The following DEFB135 variants were observed in gnomAD, a reference collection of about 807,000 sequenced individuals.
DEFB135 encodes the protein defensin beta 135, also known as beta-defensin 135.
In DEFB135, 14 loss-of-function variants were observed where a neutral mutation model predicts 8.9. The ratio of observed to expected loss-of-function variants is 1.58; its 90% CI spans 1.04 to 2.47. DEFB135 has a LOEUF of 2.47. Among genes scored for constraint, DEFB135 ranks in the 30% most tolerant of loss-of-function variants. The pLI is 0.00. For synonymous variants in DEFB135, 51 were observed against 34.5 expected (o/e 1.48, Z -1.67); for missense variants, 135 against 94.2 (o/e 1.43, Z -1.79).
Position 11,982,312 on chromosome 8 carries a change from C to A in DEFB135, c.-9C>A, listed in dbSNP as rs777477530. The A allele has an allele frequency of 3.1e-6, 5 of 1,614,056 alleles. No homozygotes were observed. Among genetic ancestry groups the A allele is most frequent in the Admixed American group, 1.7e-5 (1 of 60,024 alleles). ...CCGATGAGTCACAGCTGCTTCTTTG[C>A]TGATTGGTATGGCCACAAGGAGCGT... On this transcript the variant is annotated 5_prime_UTR_variant, in exon 1 of 2. The change creates a new upstream start codon in the 5' untranslated region. Transcript: ENST00000382208.
intron 1 of DEFB135, among the ~76,000 whole-genome samples, chr8:11,984,083 G>C (rs1209654842): frequency 6.6e-6 from 1 of 152,086 alleles, no homozygotes; most frequent in African/African-American, 2.4e-5. Context: ...CCTGGTATGG[G>C]ACCTCTGCAG....
chr8:11,983,722 C>T (rs1257332907), intron 1 of DEFB135, among the ~76,000 whole-genome samples: 2 of 152,204 alleles, frequency 1.3e-5, no homozygotes, highest in Admixed American at 6.5e-5. Context: ...GCCACCCTTA[C>T]CCTCTTAAAC....
rs199948670 is a variant in DEFB135 at position 11,982,336 on chromosome 8, G to A, written c.16G>A (p.Val6Ile). The stretch of plus-strand genomic sequence containing the variant: ...GCTGATTGGTATGGCCACAAGGAGC[G>A]TCCTCTTGGCCCTCGTGGTCCTTAA... MATRS[V>I]LLALVVLNLL... Residue 6 changes from valine to isoleucine, a missense_variant, in exon 1 of 2, where the codon GTC becomes ATC. Physicochemically the swap from Val to Ile is conservative, Grantham distance 29. Coordinates refer to ENST00000382208, the MANE Select transcript of DEFB135 (RefSeq NM_001033017.3). 70 of 1,613,988 alleles carry A rather than the reference G, an allele frequency of 4.3e-5. No homozygotes were observed. Among genetic ancestry groups the A allele is most frequent in the South Asian group, 7.7e-5 (7 of 91,080 alleles).
At position 11,982,346 on chromosome 8, in the gene DEFB135, C is replaced by T; in HGVS notation, c.26C>T (p.Ala9Val). 6.2e-7 allele frequency: 1 copy of T among 1,614,138 alleles called. No homozygotes were observed. The highest frequency in any genetic ancestry group is 8.5e-7 in the Non-Finnish European group (1 of 1,180,028). The change falls in exon 1 of 2, where the codon GCC becomes GTC. Residue 9 changes from alanine to valine, a missense_variant. Physicochemically the swap from Ala to Val is moderately conservative, Grantham distance 64 (BLOSUM62 0). Coordinates refer to ENST00000382208, the MANE Select transcript of DEFB135 (RefSeq NM_001033017.3). MATRSVLL[A>V]LVVLNLLFYV... is the part of the protein sequence containing the mutation. Reference sequence around the variant, plus strand: ...ATGGCCACAAGGAGCGTCCTCTTGGCCCTCGTGGTCCTTAACTTACTCTTC... The same window carrying T: ...ATGGCCACAAGGAGCGTCCTCTTGGTCCTCGTGGTCCTTAACTTACTCTTC...
intron 1 of DEFB135, among the ~76,000 whole-genome samples, chr8:11,983,239 C>A (rs2150551980): frequency 6.6e-6 from 1 of 152,026 alleles, no homozygotes; most frequent in African/African-American, 2.4e-5. Flanking sequence ...ACTAAAAATA[C>A]AAAATTAGCC....
chr8:11,983,421 C>A (rs1045769986), intron 1 of DEFB135, among the ~76,000 whole-genome samples: 1 of 152,100 alleles, frequency 6.6e-6, no homozygotes, highest in East Asian at 1.9e-4. Flanking sequence ...ATAAATAAAA[C>A]GAAGACAGAT....
In DEFB135 at chr8:11,982,382, C is replaced by A. The variant is rs1211494861; in HGVS notation, c.62C>A (p.Pro21Gln). 19 of 1,613,936 alleles carry A rather than the reference C, an allele frequency of 1.2e-5. No individual in the cohort carries two copies. In the Admixed American group the frequency reaches 3.2e-4, roughly 27 times the overall value. Residue 21 changes from proline (P) to glutamine (Q), a missense_variant and splice_region_variant, in exon 1 of 2, where the codon CCA becomes CAA. Physicochemically the swap from Pro to Gln is moderately conservative, Grantham distance 76. Transcript: ENST00000382208. ...VVLNLLFYVPPGRSGPNVYIQ... is the reference protein window; with the variant it reads ...VVLNLLFYVPQGRSGPNVYIQ... ...CTTAACTTACTCTTCTATGTTCCAC[C>A]AGGTAAAATGGAGTCCCCACCTTGT... is the stretch of plus-strand genomic sequence containing the variant.
In DEFB135 at chr8:11,982,957, G is replaced by T. The variant is rs367624898; in HGVS notation, c.64+573G>T. 2.5e-4 allele frequency among the ~76,000 whole-genome samples: 38 copies of T among 152,326 alleles called. No individual in the cohort carries two copies. The East Asian group carries it at 3.5e-3, about 14-fold the overall frequency. On this transcript the variant is annotated intron_variant, in intron 1 of 1. Coordinates refer to ENST00000382208, the MANE Select transcript of DEFB135 (RefSeq NM_001033017.3). ...GCCAGCAACTTGGTGATAATGAGAA[G>T]AGTCTACTTCAGTCACTAAAGTGGA... is the stretch of plus-strand genomic sequence containing the variant.
chr8:11,984,275 T>C, intron 1 of DEFB135, 146 bp from the exon 2 acceptor site: 1 of 572,374 alleles, frequency 1.7e-6, no homozygotes, highest in Non-Finnish European at 2.7e-6. Flanking sequence ...AAAAGGGGCA[T>C]CCAGCTATAA....
chr8:11,984,328 A>C, intron 1 of DEFB135, 93 bp from the exon 2 acceptor site: 1 of 1,038,482 alleles, frequency 9.6e-7, no homozygotes, highest in Non-Finnish European at 1.3e-6. Flanking sequence ...CATTATTAAA[A>C]AGTGAAAACT....
Position 11,982,293 on chromosome 8 carries a change from A to G in DEFB135, c.-28A>G. The G allele has an allele frequency of 6.2e-7, 1 of 1,613,794 alleles. No homozygotes were observed. The highest frequency in any genetic ancestry group is 8.5e-7 in the Non-Finnish European group (1 of 1,179,878). On this transcript the variant is annotated 5_prime_UTR_variant, in exon 1 of 2. Transcript: ENST00000382208. ...CTGCGGAGAGAGTGACTCTCCGATG[A>G]GTCACAGCTGCTTCTTTGCTGATTG...
At position 11,984,501 on chromosome 8, in the gene DEFB135, C is replaced by G. The variant is rs1799814967; in HGVS notation, c.145C>G (p.Leu49Val). 1 of 1,585,142 alleles carries G rather than the reference C, an allele frequency of 6.3e-7. No individual in the cohort carries two copies. Among genetic ancestry groups the G allele is most frequent in the African/African-American group, 1.3e-5 (1 of 74,404 alleles). Residue 49 changes from leucine to valine, a missense_variant, in exon 2 of 2, where the codon CTA (leucine) becomes GTA (valine). By Grantham distance (32) the Leu-to-Val change is conservative. Coordinates refer to ENST00000382208, the MANE Select transcript of DEFB135 (RefSeq NM_001033017.3). ...RLQGTCRPKCLKNEQYRILCD... is the reference protein window; with the variant it reads ...RLQGTCRPKCVKNEQYRILCD... ...GCAAGGTACTTGCCGGCCAAAATGTCTAAAAAACGAACAATATCGTATTTT... is the reference window on the plus strand; with the variant it reads ...GCAAGGTACTTGCCGGCCAAAATGTGTAAAAAACGAACAATATCGTATTTT...
intron 1 of DEFB135, among the ~76,000 whole-genome samples, chr8:11,982,630 T>A (rs555222009): frequency 6.1e-4 from 93 of 152,172 alleles, no homozygotes; most frequent in Middle Eastern, 3.4e-3. Context: ...GCTGGTGAAG[T>A]TTGAGGGGAA....
At chr8:11,983,865 T>A (rs75541319) in intron 1 of DEFB135, among the ~76,000 whole-genome samples, 3,944 of 152,110 alleles carry the variant, frequency 0.026, 169 homozygotes, top group African/African-American at 0.09. Flanking sequence ...CATTCTCCCA[T>A]GGGTGCAAAG....
chr8:11,982,350 C>G lies in DEFB135; in HGVS notation c.30C>G (p.Leu10=). The G allele has an allele frequency of 6.2e-7, 1 of 1,614,106 alleles. No individual in the cohort carries two copies. The highest frequency in any genetic ancestry group is 8.5e-7 in the Non-Finnish European group (1 of 1,180,022). Residue 10 remains leucine (L), a synonymous_variant, in exon 1 of 2, where the codon CTC becomes CTG. Coordinates refer to ENST00000382208, the MANE Select transcript of DEFB135 (RefSeq NM_001033017.3). MATRSVLLA[L]VVLNLLFYVP... The stretch of plus-strand genomic sequence containing the variant: ...CCACAAGGAGCGTCCTCTTGGCCCT[C>G]GTGGTCCTTAACTTACTCTTCTATG...
chr8:11,982,712 T>C (rs988366248), intron 1 of DEFB135, among the ~76,000 whole-genome samples: 1 of 152,182 alleles, frequency 6.6e-6, no homozygotes, highest in African/African-American at 2.4e-5. Flanking sequence ...AGCGAGGACT[T>C]GGGGATGAGA....
rs377011787 is a variant in DEFB135, at chr8:11,984,407, G to C, written c.65-14G>C. ...GGACACTAACTGTGCATTAACCTTT[G>C]TTTCTCTTGGCAGGTAGAAGTGGAC... On this transcript the variant is annotated splice_polypyrimidine_tract_variant and intron_variant, in intron 1 of 1. Transcript: ENST00000382208. 37 of 1,509,560 alleles carry C rather than the reference G, an allele frequency of 2.5e-5. No individual in the cohort carries two copies. In the African/African-American group the frequency reaches 4.7e-4, roughly 19 times the overall value. 93.5% of individuals were successfully genotyped at this position (1,509,560 alleles called of 1,614,324 possible). A position where few individuals can be genotyped will look rare whatever the true frequency, so the allele number is the denominator to read the frequency against.
chr8:11,982,856 T>TA (rs1405261848), intron 1 of DEFB135, among the ~76,000 whole-genome samples: 1 of 152,226 alleles, frequency 6.6e-6, no homozygotes, highest in Non-Finnish European at 1.5e-5. Flanking sequence ...TAAGATGTAT[T>TA]ACACTAACTT....
At position 11,982,348 on chromosome 8, in the gene DEFB135, C is replaced by T. The variant is rs1799749059; in HGVS notation, c.28C>T (p.Leu10Phe). The T allele has an allele frequency of 2.5e-6, 4 of 1,614,010 alleles. No individual in the cohort carries two copies. The highest frequency in any genetic ancestry group is 3.4e-6 in the Non-Finnish European group (4 of 1,180,040). The change falls in exon 1 of 2, where the codon CTC (leucine) becomes TTC (phenylalanine). Residue 10 changes from leucine to phenylalanine, a missense_variant. Physicochemically the swap from Leu to Phe is conservative, Grantham distance 22. Coordinates refer to ENST00000382208, the MANE Select transcript of DEFB135 (RefSeq NM_001033017.3). The stretch of plus-strand genomic sequence containing the variant: ...GGCCACAAGGAGCGTCCTCTTGGCC[C>T]TCGTGGTCCTTAACTTACTCTTCTA... MATRSVLLA[L>F]VVLNLLFYVP... is the part of the protein sequence containing the mutation.
Sources: gnomAD v4.1 joint callset for allele counts (sites outside exome capture counted in the v4.1 genomes callset) on GRCh38, gnomAD v4.1.1 for gene constraint, MANE v1.5 for transcripts, NCBI Gene and HGNC (gene_info 2026-07-23, HGNC 2026-07-21) for gene names.